The following ACAD11 variants were observed in gnomAD, a reference collection of about 807,000 sequenced individuals.
ACAD11 encodes the protein acyl-CoA dehydrogenase family member 11, also known as acyl-Coenzyme A dehydrogenase family, member 11.
A neutral mutation model predicts 102.2 loss-of-function variants in ACAD11; 83 were observed. The ratio of observed to expected loss-of-function variants is 0.81; its 90% CI spans 0.68 to 0.97. ACAD11 has a LOEUF of 0.97. Among genes scored for constraint, ACAD11 ranks in the 50% least tolerant of loss-of-function variants. ACAD11 has a pLI of 0.00. For missense variants in ACAD11, 901 were observed against 951.7 expected (o/e 0.95, Z 0.70); for synonymous variants, 324 against 319.8 (o/e 1.01, Z -0.14).
At chr3:132,592,680 G>A (rs1025055378) in intron 13 of ACAD11, among the ~76,000 whole-genome samples, 5 of 152,146 alleles carry the variant, frequency 3.3e-5, no homozygotes, top group African/African-American at 1.2e-4. Context: ...AAATTCTCAA[G>A]GCCGTTTCTT....
intron 5 of ACAD11, among the ~76,000 whole-genome samples, chr3:132,632,094 T>G (rs988571301): frequency 4.1e-4 from 63 of 151,842 alleles, no homozygotes; most frequent in Admixed American, 2.0e-3. Flanking sequence ...GTATTTTTTT[T>G]TTTTTTTGAG....
chr3:132,603,466 C>A lies in ACAD11; in HGVS notation c.1523-139G>T. ...ACTCCCCATTCCACCCTGCTTTTCC[C>A]ATAACCTACACACAGTATTCAATAA... On this transcript the variant is annotated intron_variant, in intron 12 of 19. Transcript: ENST00000264990. 1.6e-5 allele frequency: 11 copies of A among 668,618 alleles called. No individual in the cohort carries two copies. In the South Asian group the frequency reaches 2.0e-4, roughly 12 times the overall value. 41.4% of individuals were successfully genotyped at this position (668,618 alleles called of 1,614,324 possible).
At chr3:132,620,363 CA>C in intron 9 of ACAD11, 1 of 152,326 alleles carries the variant, frequency 6.6e-6, no homozygotes, top group Middle Eastern at 3.4e-3. Flanking sequence ...TTTCTGGTGA[CA>C]GTGCCTGCTA....
intron 17 of ACAD11, among the ~76,000 whole-genome samples, chr3:132,564,492 A>G (rs1576544095): frequency 6.6e-6 from 1 of 152,156 alleles, no homozygotes; most frequent in Non-Finnish European, 1.5e-5. Flanking sequence ...GTGAGTTTTG[A>G]TAGTTCATGG....
chr3:132,573,023 A>G (rs1326750657), intron 17 of ACAD11, among the ~76,000 whole-genome samples: 1 of 152,114 alleles, frequency 6.6e-6, no homozygotes, highest in Non-Finnish European at 1.5e-5. Flanking sequence ...TCTACACGTC[A>G]TCTAGGTTGT....
At chr3:132,641,632 G>GGAAGAAGAGGAA (rs1940515156) in intron 4 of ACAD11, among the ~76,000 whole-genome samples, 3 of 127,658 alleles carry the variant, frequency 2.4e-5, no homozygotes, top group Non-Finnish European at 4.9e-5. Flanking sequence ...AAGAAGAGGA[G>GGAAGAAGAGGAA]GAAGAAGAGG....
chr3:132,565,667 T>C (rs1937189390), intron 17 of ACAD11, among the ~76,000 whole-genome samples: 1 of 152,180 alleles, frequency 6.6e-6, no homozygotes. Context: ...AACATGAAGG[T>C]GGAACCTAGT....
chr3:132,568,801 CAAAAAAA>C (rs755568917), intron 17 of ACAD11, among the ~76,000 whole-genome samples: 27 of 68,672 alleles, frequency 3.9e-4, no homozygotes, highest in East Asian at 2.5e-3. Flanking sequence ...CATCCACAGG[CAAAAAAA>C]AAAAAAAAAA....
At chr3:132,577,268 G>A (rs1428358985) in intron 15 of ACAD11, among the ~76,000 whole-genome samples, 3 of 151,056 alleles carry the variant, frequency 2.0e-5, no homozygotes, top group Non-Finnish European at 4.4e-5. Flanking sequence ...ATTTCAGAGA[G>A]CTAGGAAAAA....
intron 11 of ACAD11, among the ~76,000 whole-genome samples, chr3:132,607,041 C>T (rs1029577075): frequency 2.6e-5 from 4 of 152,166 alleles, no homozygotes; most frequent in East Asian, 3.9e-4. Context: ...GCAGAGGGGC[C>T]GGACTCAGAA....
At chr3:132,593,257 A>G (rs72998158) in intron 13 of ACAD11, among the ~76,000 whole-genome samples, 5,285 of 152,238 alleles carry the variant, frequency 0.035, 153 homozygotes, top group African/African-American at 0.073. Flanking sequence ...GACAAAATGT[A>G]TGCAATACTT....
At chr3:132,575,974 C>T (rs1032794053) in intron 16 of ACAD11, 48 bp from the exon 17 acceptor site, 3 of 1,596,824 alleles carry the variant, frequency 1.9e-6, no homozygotes, top group Non-Finnish European at 2.6e-6. Context: ...TGGCCTAGCC[C>T]ATTCCTTTTG....
At chr3:132,620,575 AATAG>A (rs1179429933) in intron 9 of ACAD11, among the ~76,000 whole-genome samples, 9 of 152,220 alleles carry the variant, frequency 5.9e-5, no homozygotes, top group African/African-American at 2.2e-4. Flanking sequence ...AAAGACTATA[AATAG>A]AGTAATGATC....
intron 15 of ACAD11, among the ~76,000 whole-genome samples, chr3:132,577,364 C>T (rs1258931797): frequency 6.6e-6 from 1 of 152,018 alleles, no homozygotes; most frequent in Non-Finnish European, 1.5e-5. Context: ...ATATGGGGTT[C>T]CAAACAATTT....
intron 5 of ACAD11, among the ~76,000 whole-genome samples, 198 bp from the exon 6 acceptor site, chr3:132,631,677 C>T (rs1341100628): frequency 6.6e-6 from 1 of 152,200 alleles, no homozygotes; most frequent in African/African-American, 2.4e-5. Flanking sequence ...CTGGTTCCAT[C>T]GCTGGCCATC....
intron 1 of ACAD11, among the ~76,000 whole-genome samples, chr3:132,654,096 C>A (rs1010085162): frequency 2.0e-5 from 3 of 152,196 alleles, no homozygotes; most frequent in African/African-American, 4.8e-5. Context: ...ACCTACATTT[C>A]AGTTCACAAT....
At chr3:132,582,010 TAAGA>T in intron 13 of ACAD11, among the ~76,000 whole-genome samples, 1 of 152,050 alleles carries the variant, frequency 6.6e-6, no homozygotes, top group Non-Finnish European at 1.5e-5. Flanking sequence ...CAAGTTACAA[TAAGA>T]AAGGGAGGGA....
chr3:132,567,098 C>A (rs1322138538), intron 17 of ACAD11, among the ~76,000 whole-genome samples: 1 of 152,092 alleles, frequency 6.6e-6, no homozygotes, highest in African/African-American at 2.4e-5. Flanking sequence ...TGTGCCTCAG[C>A]CTCCCGAATA....
intron 11 of ACAD11, among the ~76,000 whole-genome samples, chr3:132,613,385 A>G (rs1268751968): frequency 6.8e-6 from 1 of 147,994 alleles, no homozygotes; most frequent in Non-Finnish European, 1.5e-5. Flanking sequence ...ATAATAATAA[A>G]AATAACTAAA....
Sources: gnomAD v4.1 joint callset for allele counts (sites outside exome capture counted in the v4.1 genomes callset) on GRCh38, gnomAD v4.1.1 for gene constraint, MANE v1.5 for transcripts, NCBI Gene and HGNC (gene_info 2026-07-23, HGNC 2026-07-21) for gene names.